The following CTBP2 variants were observed in gnomAD, a reference collection of about 807,000 sequenced individuals.
CTBP2 encodes the protein C-terminal binding protein 2.
In CTBP2, 30 loss-of-function variants were observed where a neutral mutation model predicts 80.3. The observed-to-expected ratio is 0.37, with a 90% confidence interval of 0.28 to 0.51. The LOEUF is 0.51. Among genes scored for constraint, CTBP2 ranks in the 20% least tolerant of loss-of-function variants. The probability of loss-of-function intolerance (pLI) is 0.93; values close to 1 mark genes in which losing one functional copy is unlikely to be tolerated. For missense variants in CTBP2, 1,212 were observed against 1,375.3 expected, an observed-to-expected ratio of 0.88 and a Z score of 1.88; for synonymous variants, 594 against 587.4, an observed-to-expected ratio of 1.01 and a Z score of -0.16.
intron 1 of CTBP2, among the ~76,000 whole-genome samples, chr10:125,129,827 C>G (rs149464816): frequency 6.6e-6 from 1 of 152,290 alleles, no homozygotes; most frequent in African/African-American, 2.4e-5. Context: ...AAACAGCACA[C>G]GACAGAGCAG....
chr10:125,038,369 C>T (rs1261297296), intron 3 of CTBP2, among the ~76,000 whole-genome samples: 4 of 152,052 alleles, frequency 2.6e-5, no homozygotes, highest in Non-Finnish European at 5.9e-5. Flanking sequence ...TAGCACTGAC[C>T]CCATCTGGCA....
intron 2 of CTBP2, 61 bp from the exon 5 acceptor site, chr10:125,003,165 G>A: frequency 6.2e-7 from 1 of 1,607,824 alleles, no homozygotes; most frequent in Non-Finnish European, 8.5e-7. Context: ...GGCACCACTT[G>A]GCCTGGCCCC....
intron 1 of CTBP2, among the ~76,000 whole-genome samples, chr10:125,118,480 C>T (rs1318096770): frequency 6.6e-6 from 1 of 152,112 alleles, no homozygotes; most frequent in Non-Finnish European, 1.5e-5. Flanking sequence ...AAAAGTGGAT[C>T]CACGAGCAAG....
chr10:125,130,772 C>G (rs1439191841), intron 1 of CTBP2, among the ~76,000 whole-genome samples: 1 of 152,166 alleles, frequency 6.6e-6, no homozygotes, highest in Non-Finnish European at 1.5e-5. Context: ...TACTGCCAGA[C>G]AAGACTAGCG....
chr10:125,136,680 T>C lies in CTBP2; in HGVS notation c.-206+23639A>G, dbSNP rs116109639. 1.9e-3 allele frequency among the ~76,000 whole-genome samples: 287 copies of C among 152,272 alleles called. 1 individual carries two copies. The highest frequency in any genetic ancestry group is 6.8e-3 in the African/African-American group (282 of 41,534). Reference sequence around the variant, plus strand: ...CTCTTTTGCTCCTAAAACAAACCCTTGCAGAGAATGTGACTCACTCTATCT... The same window carrying C: ...CTCTTTTGCTCCTAAAACAAACCCTCGCAGAGAATGTGACTCACTCTATCT... On this transcript the variant is annotated intron_variant, in intron 1 of 10. Transcript: ENST00000337195.
intron 4 of CTBP2, 32 bp downstream of exon 6, chr10:124,997,932 G>A (rs747078633): frequency 1.5e-5 from 24 of 1,592,764 alleles, no homozygotes; most frequent in Admixed American, 6.7e-5. Flanking sequence ...GTGTCGGAGG[G>A]GTTGGGGGTC....
chr10:125,107,410 C>A (rs1253487494), intron 2 of CTBP2, among the ~76,000 whole-genome samples: 1 of 151,866 alleles, frequency 6.6e-6, no homozygotes, highest in Admixed American at 6.6e-5. Context: ...ACTCTGGGGG[C>A]CACACACTGG....
At chr10:125,129,925 C>T (rs924534948) in intron 1 of CTBP2, among the ~76,000 whole-genome samples, 5 of 152,112 alleles carry the variant, frequency 3.3e-5, no homozygotes, top group African/African-American at 1.2e-4. Context: ...GGACCCTGCA[C>T]CGAAAAGGGC....
chr10:125,062,905 GAAC>G (rs1965269534), intron 2 of CTBP2, among the ~76,000 whole-genome samples: 1 of 152,214 alleles, frequency 6.6e-6, no homozygotes, highest in South Asian at 2.1e-4. Flanking sequence ...GGCACCCAAG[GAAC>G]AACATCTGCT....
intron 2 of CTBP2, among the ~76,000 whole-genome samples, chr10:125,104,674 T>C (rs1418928456): frequency 1.3e-5 from 2 of 152,208 alleles, no homozygotes; most frequent in Non-Finnish European, 2.9e-5. Flanking sequence ...CTCCTATTTA[T>C]CCTTAACTGG....
At chr10:125,045,551 G>T (rs984705724) in intron 2 of CTBP2, among the ~76,000 whole-genome samples, 4 of 151,904 alleles carry the variant, frequency 2.6e-5, no homozygotes, top group Middle Eastern at 3.2e-3. Flanking sequence ...TTCTCACTTT[G>T]TTGCCCAGGG....
intron 1 of CTBP2, among the ~76,000 whole-genome samples, chr10:125,138,445 C>G (rs774823623): frequency 2.0e-5 from 3 of 152,106 alleles, no homozygotes; most frequent in African/African-American, 7.2e-5. Flanking sequence ...TTTGGTGGGG[C>G]TGGTGAAAAT....
chr10:125,003,264 G>A (rs981877618), intron 2 of CTBP2, 74 bp downstream of exon 4: 8 of 1,588,436 alleles, frequency 5.0e-6, no homozygotes, highest in South Asian at 3.4e-5. Flanking sequence ...GACTTGGGGC[G>A]ATCTAATGGG....
intron 2 of CTBP2, among the ~76,000 whole-genome samples, chr10:125,072,597 C>T (rs915215978): frequency 8.3e-6 from 1 of 119,874 alleles, no homozygotes; most frequent in Non-Finnish European, 1.6e-5. Context: ...GCCTGGACAA[C>T]AGAGTGCAGA....
At chr10:125,012,312 G>T (rs2134419478) in intron 1 of CTBP2, among the ~76,000 whole-genome samples, 1 of 152,316 alleles carries the variant, frequency 6.6e-6, no homozygotes, top group East Asian at 1.9e-4. Context: ...ACTGGGTGAG[G>T]CTCTGCGACA....
intron 2 of CTBP2, among the ~76,000 whole-genome samples, chr10:125,054,020 C>T (rs189437171): frequency 1.1e-4 from 16 of 152,212 alleles, no homozygotes; most frequent in African/African-American, 3.1e-4. Context: ...GTGACACAGG[C>T]GTGCCCACAA....
chr10:125,058,000 C>A (rs1201524126), intron 2 of CTBP2, among the ~76,000 whole-genome samples: 1 of 152,172 alleles, frequency 6.6e-6, no homozygotes, highest in Non-Finnish European at 1.5e-5. Context: ...ATGCCATCAA[C>A]GAGCTGGGTG....
intron 1 of CTBP2, among the ~76,000 whole-genome samples, chr10:125,145,353 G>A (rs1003152524): frequency 4.0e-5 from 6 of 151,892 alleles, no homozygotes; most frequent in Non-Finnish European, 7.4e-5. Flanking sequence ...CCTTGGGGAC[G>A]CCCCTGCTCC....
At chr10:125,103,222 G>A (rs1039928295) in intron 2 of CTBP2, among the ~76,000 whole-genome samples, 4 of 152,090 alleles carry the variant, frequency 2.6e-5, no homozygotes, top group African/African-American at 7.2e-5. Context: ...GCTGCGATGC[G>A]CTCCTACATG....
Sources: gnomAD v4.1 joint callset for allele counts (sites outside exome capture counted in the v4.1 genomes callset) on GRCh38, gnomAD v4.1.1 for gene constraint, MANE v1.5 for transcripts, NCBI Gene and HGNC (gene_info 2026-07-23, HGNC 2026-07-21) for gene names.